The following ASS1 variants were observed in gnomAD, a reference collection of about 807,000 sequenced individuals.
ASS1 encodes the protein argininosuccinate synthase 1.
In ASS1, 58 loss-of-function variants were observed where a neutral mutation model predicts 60.5. The observed-to-expected ratio is 0.96, with a 90% CI of 0.78 to 1.19. The LOEUF (loss-of-function observed/expected upper bound fraction) is 1.19, where lower values mean the gene tolerates loss of function less well. Ranked by LOEUF, ASS1 falls within the 50% of genes most tolerant of loss-of-function variation. ASS1 has a pLI of 0.00. For synonymous variants in ASS1, 200 were observed against 206.9 expected, an observed-to-expected ratio of 0.97 and a Z score of 0.29; for missense variants, 454 against 547.3, an observed-to-expected ratio of 0.83 and a Z score of 1.70.
At chr9:130,451,929 C>T (rs1049938947) in intron 1 of ASS1, 2 of 574,086 alleles carry the variant, frequency 3.5e-6, no homozygotes, top group Non-Finnish European at 6.6e-6. Flanking sequence ...CAGCCGCCTT[C>T]CCTCGATGCT....
intron 4 of ASS1, among the ~76,000 whole-genome samples, chr9:130,460,205 C>T (rs1845555644): frequency 6.6e-6 from 1 of 152,168 alleles, no homozygotes; most frequent in South Asian, 2.1e-4. Context: ...CAGGGACACA[C>T]ACAGCTAAGA....
chr9:130,497,175 G>C (rs1406356735), intron 13 of ASS1, among the ~76,000 whole-genome samples: 2 of 152,088 alleles, frequency 1.3e-5, no homozygotes, highest in East Asian at 3.9e-4. Context: ...CCTTCATTAA[G>C]CCTTACAGTC....
At chr9:130,461,012 T>C (rs537536240) in intron 4 of ASS1, among the ~76,000 whole-genome samples, 2 of 143,506 alleles carry the variant, frequency 1.4e-5, no homozygotes, top group African/African-American at 5.4e-5. Flanking sequence ...AGCGAGACTC[T>C]GTCCCAAACA....
At chr9:130,447,480 C>T (rs1845222352) in intron 1 of ASS1, among the ~76,000 whole-genome samples, 1 of 152,252 alleles carries the variant, frequency 6.6e-6, no homozygotes. Flanking sequence ...TTGCTGGAAG[C>T]TGGACAGATG....
rs1314901535 is a variant in ASS1 at position 130,459,281 on chromosome 9, G to T, written c.363+692G>T. On this transcript the variant is annotated intron_variant, in intron 4 of 14. Transcript: ENST00000352480. The surrounding 1 kb of genome is among the most constrained non-coding windows in gnomAD (Gnocchi z 4.6). ...CTTAGCGTGTGGCTGCGTCACTCCT[G>T]TCCTTCCGTCCTCCATCTTCCCAAG... Among the ~76,000 whole-genome samples the T allele has an allele frequency of 6.6e-6, 1 of 152,036 alleles. No individual in the cohort carries two copies. Among genetic ancestry groups the T allele is most frequent in the Non-Finnish European group, 1.5e-5 (1 of 68,014 alleles).
chr9:130,491,101 G>T lies in ASS1; in HGVS notation c.970+1637G>T, dbSNP rs534322018. Among the ~76,000 whole-genome samples the T allele has an allele frequency of 6.0e-5, 9 of 150,792 alleles. 1 individual carries two copies. The highest frequency in any genetic ancestry group is 5.9e-4 in the Admixed American group (9 of 15,154). ...TCACTGTAACTCATCTCAGGATTTC[G>T]AGAGGGCTCGATGGTTATTGGCTGG... On this transcript the variant is annotated intron_variant, in intron 12 of 14. Coordinates refer to ENST00000352480, the MANE Select transcript of ASS1 (RefSeq NM_054012.4). The surrounding 1 kb of genome is among the most constrained non-coding windows in gnomAD (Gnocchi z 5.3).
chr9:130,471,378 G>C (rs974824406), intron 7 of ASS1, 107 bp from the exon 8 acceptor site: 123 of 1,416,020 alleles, frequency 8.7e-5, no homozygotes, highest in Admixed American at 2.2e-4. Flanking sequence ...CTGGCAGAGA[G>C]TAAAAGGCAG....
rs544202924 is a variant in ASS1 at position 130,493,742 on chromosome 9, C to T, written c.971-1125C>T. ...TCTAGCCTTGCCCTGTCCCTCCCCCCGCCATGGCCTGCCTGCCTGCCTGCC... is the reference window on the plus strand; with the variant it reads ...TCTAGCCTTGCCCTGTCCCTCCCCCTGCCATGGCCTGCCTGCCTGCCTGCC... On this transcript the variant is annotated intron_variant, in intron 12 of 14. Transcript: ENST00000352480. Among the ~76,000 whole-genome samples the T allele has an allele frequency of 1.2e-4, 18 of 151,904 alleles. No homozygotes were observed. In the East Asian group the frequency reaches 1.9e-3, roughly 16 times the overall value.
Position 130,470,905 on chromosome 9 carries a change from G to A in ASS1, c.566+1G>A. The A allele has an allele frequency of 6.2e-7, 1 of 1,613,996 alleles. No individual in the cohort carries two copies. The highest frequency in any genetic ancestry group is 8.5e-7 in the Non-Finnish European group (1 of 1,179,942). ...TGGATGAGAACCTCATGCACATCAG[G>A]TAAATCCCACCCTCCACCCATCCTT... On this transcript the variant is annotated splice_donor_variant, in intron 7 of 14. Coordinates refer to ENST00000352480, the MANE Select transcript of ASS1 (RefSeq NM_054012.4). LOFTEE classifies it high-confidence loss of function. The surrounding 1 kb of genome is among the most constrained non-coding windows in gnomAD (Gnocchi z 4.3).
At chr9:130,496,307 A>G (rs1846600969) in intron 13 of ASS1, among the ~76,000 whole-genome samples, 1 of 152,042 alleles carries the variant, frequency 6.6e-6, no homozygotes, top group Non-Finnish European at 1.5e-5. Context: ...CGTGGTCCCA[A>G]CTACTTGGGA....
In ASS1 at chr9:130,501,222, G is replaced by A. The variant is rs983603476; in HGVS notation, c.*201G>A. ...GAAGGGAAGGGTGGGGGGCAGCTGC[G>A]GTGGGGAGCTATAAAAATGACAATT... On this transcript the variant is annotated 3_prime_UTR_variant, in exon 15 of 15. Coordinates refer to ENST00000352480, the MANE Select transcript of ASS1 (RefSeq NM_054012.4). 3.5e-5 allele frequency: 21 copies of A among 607,610 alleles called. No homozygotes were observed. The highest frequency in any genetic ancestry group is 4.4e-5 in the Non-Finnish European group (15 of 342,772). The allele number at this position is 607,610 out of a possible 1,614,324, so 37.6% of individuals were successfully genotyped here.
chr9:130,465,051 TATATA>T (rs1453341807), intron 5 of ASS1, among the ~76,000 whole-genome samples: 2,705 of 110,504 alleles, frequency 0.024, 78 homozygotes, highest in African/African-American at 0.082. Context: ...TATATATATA[TATATA>T]TTTTTTTTTT....
chr9:130,492,403 G>A (rs1846471172), intron 12 of ASS1, among the ~76,000 whole-genome samples: 2 of 152,120 alleles, frequency 1.3e-5, no homozygotes, highest in African/African-American at 4.8e-5. Flanking sequence ...GGAGACTGAG[G>A]CACAGGGAAG....
intron 8 of ASS1, among the ~76,000 whole-genome samples, chr9:130,472,195 C>G (rs1427489550): frequency 6.6e-6 from 1 of 152,156 alleles, no homozygotes; most frequent in Non-Finnish European, 1.5e-5. Context: ...AGCCCCACAC[C>G]CCGGGGAGGC....
rs574659659 is a variant in ASS1 at position 130,491,715 on chromosome 9, C to A, written c.970+2251C>A. 3.9e-5 allele frequency among the ~76,000 whole-genome samples: 6 copies of A among 152,256 alleles called. No individual in the cohort carries two copies. Among genetic ancestry groups the A allele is most frequent in the Admixed American group, 6.5e-5 (1 of 15,298 alleles). On this transcript the variant is annotated intron_variant, in intron 12 of 14. Transcript: ENST00000352480. This position sits in a 1 kb window ranked among gnomAD's most constrained non-coding sequence, Gnocchi z 5.3. ...GTTGAGTCCCTGCTCTGACAGCCAG[C>A]GACAAGCCCTCTACATCCCAAACTG...
At position 130,463,312 on chromosome 9, in the gene ASS1, C is replaced by T. The variant is rs958503151; in HGVS notation, c.364-799C>T. Among the ~76,000 whole-genome samples, 7 of 152,356 alleles carry T rather than the reference C, an allele frequency of 4.6e-5. No individual in the cohort carries two copies. The East Asian group carries it at 9.6e-4, about 21-fold the overall frequency. ...ACAGAGCTGGGCTGGCGGATGCCTGCGCTGACCCCGGCCTCCTCCTCCTCG... is the reference window on the plus strand; with the variant it reads ...ACAGAGCTGGGCTGGCGGATGCCTGTGCTGACCCCGGCCTCCTCCTCCTCG... On this transcript the variant is annotated intron_variant, in intron 4 of 14. Coordinates refer to ENST00000352480, the MANE Select transcript of ASS1 (RefSeq NM_054012.4).
At chr9:130,448,145 C>T (rs1446851592) in intron 1 of ASS1, among the ~76,000 whole-genome samples, 1 of 152,008 alleles carries the variant, frequency 6.6e-6, no homozygotes, top group Non-Finnish European at 1.5e-5. Context: ...TTGCCTCGGG[C>T]TGCAAATGCA....
chr9:130,485,976 G>A (rs530087047), intron 11 of ASS1, among the ~76,000 whole-genome samples: 33 of 152,178 alleles, frequency 2.2e-4, no homozygotes, highest in South Asian at 6.2e-4. Flanking sequence ...GTTTGTGTGC[G>A]GTCATCATGT....
chr9:130,446,096 C>T (rs1324704700), intron 1 of ASS1, among the ~76,000 whole-genome samples: 1 of 152,230 alleles, frequency 6.6e-6, no homozygotes, highest in East Asian at 1.9e-4. Context: ...AAGCGACCCT[C>T]CTCCCTCGGG....
Sources: allele counts gnomAD v4.1 joint callset (sites outside exome capture counted in the v4.1 genomes callset), GRCh38; gene constraint gnomAD v4.1.1; non-coding constraint Gnocchi (gnomAD v3.1); transcripts MANE v1.5; gene names NCBI Gene and HGNC (gene_info 2026-07-23, HGNC 2026-07-21).